The following PARP15 variants were observed in gnomAD, a reference collection of about 807,000 sequenced individuals.
PARP15 encodes the protein poly(ADP-ribose) polymerase family member 15.
In PARP15, 50 loss-of-function variants were observed where a neutral mutation model predicts 62.1. The observed-to-expected ratio is 0.81, with a 90% CI of 0.64 to 1.02. The LOEUF is 1.02. Among genes scored for constraint, PARP15 ranks in the 50% least tolerant of loss-of-function variants. The pLI, the probability that PARP15 is intolerant of heterozygous loss-of-function variation, is 0.00. For synonymous variants in PARP15, 309 were observed against 293.1 expected (o/e 1.05, Z -0.55); for missense variants, 820 against 826.5 (o/e 0.99, Z 0.10).
At chr3:122,599,799 T>C (rs1444572294) in intron 1 of PARP15, among the ~76,000 whole-genome samples, 1 of 152,232 alleles carries the variant, frequency 6.6e-6, no homozygotes, top group East Asian at 1.9e-4. Flanking sequence ...TGTCTTGAAC[T>C]CCTGGCCTCA....
In PARP15 at chr3:122,632,172, A is replaced by G. The variant is rs758728434; in HGVS notation, c.1525A>G (p.Ile509Val). 6.2e-6 allele frequency: 10 copies of G among 1,613,808 alleles called. No homozygotes were observed. In the South Asian group the frequency reaches 7.7e-5, roughly 12 times the overall value. Reference protein sequence around the residue: ...LEPGQSEYNTIKDKFTRTCSS... With the variant: ...LEPGQSEYNTVKDKFTRTCSS... ...GCCAGGACAATCAGAATATAATACC[A>G]TAAAGGACAAGTTCACCCGAACTTG... Residue 509 changes from isoleucine to valine, a missense_variant, in exon 10 of 12, where the codon ATA becomes GTA. Physicochemically the swap from Ile to Val is conservative, Grantham distance 29. Transcript: ENST00000464300.
intron 1 of PARP15, among the ~76,000 whole-genome samples, chr3:122,600,472 A>G (rs1424498657): frequency 6.6e-6 from 1 of 152,178 alleles, no homozygotes; most frequent in Admixed American, 6.6e-5. Flanking sequence ...TCATTCCTTC[A>G]TAAGGCAGCT....
At chr3:122,579,999 GTATATATATATATATATA>G (rs59527124) in intron 1 of PARP15, among the ~76,000 whole-genome samples, 12 of 64,460 alleles carry the variant, frequency 1.9e-4, no homozygotes, top group Middle Eastern at 8.1e-3. Flanking sequence ...GCAACTATAT[GTATATATATATATATATA>G]TATATATATA....
chr3:122,623,319 C>A (rs1936469602), intron 8 of PARP15, among the ~76,000 whole-genome samples: 3 of 152,200 alleles, frequency 2.0e-5, no homozygotes, highest in Admixed American at 2.0e-4. Context: ...GGAGTAAGCT[C>A]TGGCCCCTTC....
chr3:122,608,850 C>A (rs898955921), intron 2 of PARP15, among the ~76,000 whole-genome samples: 15 of 150,780 alleles, frequency 9.9e-5, no homozygotes, highest in African/African-American at 3.4e-4. Context: ...TCACTGCAGT[C>A]TCAACCTCCT....
Position 122,592,574 on chromosome 3 carries a change from T to C in PARP15, c.187-13362T>C, listed in dbSNP as rs190810158. On this transcript the variant is annotated intron_variant, in intron 1 of 11. Transcript: ENST00000464300. ...ACCTATGTAACAAACCTGCACATCC[T>C]GCACATGTACCACAGAACTTAAAAT... is the stretch of plus-strand genomic sequence containing the variant. 5.2e-4 allele frequency among the ~76,000 whole-genome samples: 78 copies of C among 150,736 alleles called. 1 individual carries two copies. In the East Asian group the frequency reaches 0.014, roughly 26 times the overall value.
In PARP15 at chr3:122,604,636, C is replaced by T. The variant is rs190468307; in HGVS notation, c.187-1300C>T. On this transcript the variant is annotated intron_variant, in intron 1 of 11. Coordinates refer to ENST00000464300, the MANE Select transcript of PARP15 (RefSeq NM_001113523.3). ...TTGGGAGGCTGAGGCGGGCAGATCA[C>T]GAGGTCAGGAGTTCAAGACCAGCCT... Among the ~76,000 whole-genome samples the T allele has an allele frequency of 1.4e-4, 22 of 151,902 alleles. No individual in the cohort carries two copies. The East Asian group carries it at 3.7e-3, about 25-fold the overall frequency.
chr3:122,621,552 T>C lies in PARP15; in HGVS notation c.1172T>C (p.Val391Ala), dbSNP rs369644462. ...GATGTCAGGAAAACGGTCACCAGTG[T>C]TCTAGAAGAGTGTGAACAGAGGAAG... ...GKDVRKTVTSVLEECEQRKYT... is the reference protein window; with the variant it reads ...GKDVRKTVTSALEECEQRKYT... Residue 391 changes from valine (V) to alanine (A), a missense_variant, in exon 8 of 12, where the codon GTT becomes GCT. Coordinates refer to ENST00000464300, the MANE Select transcript of PARP15 (RefSeq NM_001113523.3). The C allele has an allele frequency of 2.1e-5, 34 of 1,614,042 alleles. No individual in the cohort carries two copies. The highest frequency in any genetic ancestry group is 2.9e-5 in the Non-Finnish European group (34 of 1,179,984).
intron 1 of PARP15, among the ~76,000 whole-genome samples, 157 bp downstream of exon 1, chr3:122,578,010 G>A (rs1333644237): frequency 6.6e-6 from 1 of 151,958 alleles, no homozygotes; most frequent in Non-Finnish European, 1.5e-5. Context: ...TTCCGGAAGA[G>A]GGGGATGCGT....
intron 1 of PARP15, among the ~76,000 whole-genome samples, chr3:122,593,045 AC>A (rs1198729454): frequency 6.7e-6 from 1 of 149,396 alleles, no homozygotes; most frequent in Non-Finnish European, 1.5e-5. Context: ...TCTTCTAGTC[AC>A]CTTGAACATA....
At chr3:122,587,806 G>C (rs1166705163) in intron 1 of PARP15, among the ~76,000 whole-genome samples, 1 of 152,144 alleles carries the variant, frequency 6.6e-6, no homozygotes, top group Non-Finnish European at 1.5e-5. Context: ...AGGCTGGTGT[G>C]AGCCACTTCA....
At chr3:122,626,196 CTTTTT>C (rs34106420) in intron 8 of PARP15, among the ~76,000 whole-genome samples, 3 of 122,110 alleles carry the variant, frequency 2.5e-5, no homozygotes, top group South Asian at 5.2e-4. Context: ...AGCTGTCACT[CTTTTT>C]TTTTTTTTTT....
At chr3:122,587,988 G>C (rs1052166906) in intron 1 of PARP15, among the ~76,000 whole-genome samples, 1 of 152,042 alleles carries the variant, frequency 6.6e-6, no homozygotes, top group Non-Finnish European at 1.5e-5. Flanking sequence ...AGAGTTCTTT[G>C]TATGTTTTAG....
At position 122,577,782 on chromosome 3, in the gene PARP15, G is replaced by A; in HGVS notation, c.115G>A (p.Ala39Thr). ...TTCCAGAGCCGGACGAGATCGGGAG[G>A]CGGGGAGCGTGCTGCCGGCCGGGAA... The part of the protein sequence containing the change: ...VTSRAGRDRE[A>T]GSVLPAGNRG... Residue 39 changes from alanine (A) to threonine (T), a missense_variant, in exon 1 of 12, where the codon GCG (alanine) becomes ACG (threonine). By Grantham distance (58) the Ala-to-Thr change is moderately conservative (BLOSUM62 0). This residue lies in a region of PARP15 where 731 missense variants were observed against 727.7 expected (regional missense o/e 1.00). Transcript: ENST00000464300. The A allele has an allele frequency of 6.4e-7, 1 of 1,551,528 alleles. No homozygotes were observed. Among genetic ancestry groups the A allele is most frequent in the Non-Finnish European group, 8.7e-7 (1 of 1,146,894 alleles).
At chr3:122,625,130 T>C (rs1036206155) in intron 8 of PARP15, among the ~76,000 whole-genome samples, 4 of 152,188 alleles carry the variant, frequency 2.6e-5, no homozygotes, top group Admixed American at 2.0e-4. Flanking sequence ...CTGAGCAAAC[T>C]GAAGTGTAGA....
At position 122,610,638 on chromosome 3, in the gene PARP15, ATATT is replaced by A. The variant is rs1559960085; in HGVS notation, c.452_455del (p.Ile151ThrfsTer2). ...GGAAACAGAGGAAAAAGTAGGTAAC[ATATT>A]CATGACAAGCGGCTGCAATCTGGAC... On this transcript the variant is annotated frameshift_variant, in exon 3 of 12. Transcript: ENST00000464300. LOFTEE classifies it high-confidence loss of function. 22 of 1,551,596 alleles carry A rather than the reference ATATT, an allele frequency of 1.4e-5. No individual in the cohort carries two copies. In the Middle Eastern group the frequency reaches 8.3e-4, roughly 59 times the overall value.
At chr3:122,583,161 C>T (rs1272370185) in intron 1 of PARP15, among the ~76,000 whole-genome samples, 3 of 105,642 alleles carry the variant, frequency 2.8e-5, no homozygotes, top group African/African-American at 1.2e-4. Flanking sequence ...GCTCTTGTTG[C>T]CCAAGCTGGA....
intron 1 of PARP15, among the ~76,000 whole-genome samples, chr3:122,586,524 T>C (rs533978949): frequency 1.3e-5 from 2 of 152,370 alleles, no homozygotes; most frequent in East Asian, 1.9e-4. Context: ...TGTAAACTTT[T>C]TGAGAGATTA....
intron 9 of PARP15, 49 bp from the exon 10 acceptor site, chr3:122,632,037 A>G: frequency 6.2e-7 from 1 of 1,611,924 alleles, no homozygotes; most frequent in Non-Finnish European, 8.5e-7. Flanking sequence ...TGATTTTCAG[A>G]GGTCTTTGGA....
Sources: gnomAD v4.1 joint callset for allele counts (sites outside exome capture counted in the v4.1 genomes callset) on GRCh38, gnomAD v4.1.1 for gene constraint, gnomAD v4.1.1 regional missense constraint, MANE v1.5 for transcripts, NCBI Gene and HGNC (gene_info 2026-07-23, HGNC 2026-07-21) for gene names.